The following PHKB variants were observed in gnomAD, a reference collection of about 807,000 sequenced individuals.
PHKB encodes the protein phosphorylase kinase regulatory subunit beta.
PHKB carries 122 observed loss-of-function variants against 152.1 expected under a neutral mutation model. The ratio of observed to expected loss-of-function variants is 0.80; its 90% CI spans 0.69 to 0.93. The LOEUF (loss-of-function observed/expected upper bound fraction) is 0.93. PHKB is among the 40% of genes least tolerant of loss of function. The pLI is 0.00. For synonymous variants in PHKB, 436 were observed against 464.9 expected (o/e 0.94, Z 0.80); for missense variants, 1,304 against 1,328.4 (o/e 0.98, Z 0.29).
intron 2 of PHKB, 51 bp downstream of exon 2, chr16:47,497,539 C>G: frequency 9.6e-7 from 1 of 1,037,884 alleles, no homozygotes; most frequent in South Asian, 1.3e-5. Flanking sequence ...GATTAGTATT[C>G]CCCTTGCCCT....
chr16:47,532,130 G>A (rs186189363), intron 6 of PHKB, among the ~76,000 whole-genome samples: 4 of 152,270 alleles, frequency 2.6e-5, no homozygotes, highest in East Asian at 3.9e-4. Flanking sequence ...TTTAAACCCC[G>A]ATCATATGCC....
intron 14 of PHKB, among the ~76,000 whole-genome samples, chr16:47,625,983 CT>C (rs1175982093): frequency 1.3e-5 from 2 of 152,172 alleles, no homozygotes; most frequent in Admixed American, 1.3e-4. Flanking sequence ...GTTGTCTTCT[CT>C]CTTATATGGT....
chr16:47,613,725 C>T (rs1416264340), intron 14 of PHKB, among the ~76,000 whole-genome samples: 1 of 152,172 alleles, frequency 6.6e-6, no homozygotes, highest in African/African-American at 2.4e-5. Flanking sequence ...TCCCATATCA[C>T]CATAAGGCTT....
chr16:47,494,900 AAATTGTGTAGAACATCCTTGTT>A (rs906549799), intron 1 of PHKB, among the ~76,000 whole-genome samples: 5 of 152,202 alleles, frequency 3.3e-5, no homozygotes, highest in East Asian at 1.9e-4. Flanking sequence ...TGTTTACCAT[AAATTGTGTAGAACATCCTTGTT>A]AATTGTGTAG....
In PHKB at chr16:47,610,908, GT is replaced by G; in HGVS notation, c.1450del (p.Ser484ProfsTer11). On this transcript the variant is annotated frameshift_variant, in exon 14 of 31. Transcript: ENST00000323584. LOFTEE classifies it high-confidence loss of function. ...LKDQRNVSMR[F>X]SNQGPLENDL... ...AGGATCAACGTAACGTGAGCATGAG[GT>G]TTTCCAATCAGGTAAAGAATTATTC... 1 of 1,577,332 alleles carries G rather than the reference GT, an allele frequency of 6.3e-7. No individual in the cohort carries two copies. Among genetic ancestry groups the G allele is most frequent in the Non-Finnish European group, 8.7e-7 (1 of 1,146,466 alleles).
At chr16:47,697,949 T>C (rs1178627613) in intron 29 of PHKB, among the ~76,000 whole-genome samples, 1 of 152,194 alleles carries the variant, frequency 6.6e-6, no homozygotes, top group Admixed American at 6.5e-5. Flanking sequence ...GAGAAACTAC[T>C]GTGGCATCAC....
chr16:47,490,731 G>A (rs918262479), intron 1 of PHKB, among the ~76,000 whole-genome samples: 1 of 152,156 alleles, frequency 6.6e-6, no homozygotes, highest in Non-Finnish European at 1.5e-5. Flanking sequence ...TTTTAATGAA[G>A]CAAAAACCTT....
At chr16:47,635,100 A>G (rs1972894942) in intron 14 of PHKB, among the ~76,000 whole-genome samples, 1 of 152,082 alleles carries the variant, frequency 6.6e-6, no homozygotes, top group Non-Finnish European at 1.5e-5. Flanking sequence ...GGAGAAGGAG[A>G]GAAGTGGTGT....
intron 7 of PHKB, chr16:47,566,741 T>G: frequency 1.3e-6 from 1 of 759,666 alleles, no homozygotes; most frequent in Non-Finnish European, 2.4e-6. Flanking sequence ...TCCAAGTTGT[T>G]GAAATATCTC....
At chr16:47,668,116 C>G (rs1011798590) in intron 25 of PHKB, among the ~76,000 whole-genome samples, 2 of 152,208 alleles carry the variant, frequency 1.3e-5, no homozygotes, top group African/African-American at 4.8e-5. Context: ...AAATGCCACC[C>G]TAAGCACTGA....
chr16:47,688,175 A>C (rs899708632), intron 26 of PHKB, among the ~76,000 whole-genome samples: 3 of 152,214 alleles, frequency 2.0e-5, no homozygotes, highest in Non-Finnish European at 4.4e-5. Context: ...CTCTTTGTGC[A>C]GTGTTCACTG....
chr16:47,651,385 C>T (rs1973235413), intron 20 of PHKB, among the ~76,000 whole-genome samples: 1 of 152,182 alleles, frequency 6.6e-6, no homozygotes, highest in South Asian at 2.1e-4. Flanking sequence ...CAGTTCTCTC[C>T]TACTAAACAC....
rs534729332 is a variant in PHKB, at chr16:47,470,683, C to T, written c.76+9257C>T. Among the ~76,000 whole-genome samples, 640 of 152,324 alleles carry T rather than the reference C, an allele frequency of 4.2e-3. 6 individuals carry two copies. The highest frequency in any genetic ancestry group is 0.015 in the African/African-American group (610 of 41,566). The stretch of plus-strand genomic sequence containing the variant: ...CCAAACTCTGGCAGACCCTATTACC[C>T]AGCCACTGCTGCCTTCCTTCTCTTC... On this transcript the variant is annotated intron_variant, in intron 1 of 30. Transcript: ENST00000323584.
intron 16 of PHKB, among the ~76,000 whole-genome samples, chr16:47,644,570 A>C (rs373025788): frequency 1.2e-4 from 18 of 152,362 alleles, no homozygotes; most frequent in African/African-American, 4.3e-4. Context: ...TCCAAATCAC[A>C]ATCAGTAGAT....
intron 9 of PHKB, 91 bp from the exon 10 acceptor site, chr16:47,588,814 C>T (rs969695750): frequency 1.4e-5 from 15 of 1,102,560 alleles, no homozygotes; most frequent in Middle Eastern, 2.1e-4. Flanking sequence ...ACTGCATAAC[C>T]TCACTGGCTT....
At chr16:47,463,896 T>C (rs1177134487) in intron 1 of PHKB, 1 of 1,612,172 alleles carries the variant, frequency 6.2e-7, no homozygotes. Context: ...AAAATTGCTA[T>C]AGCTTAGCCT....
At chr16:47,621,173 G>C (rs915791196) in intron 14 of PHKB, among the ~76,000 whole-genome samples, 1 of 152,134 alleles carries the variant, frequency 6.6e-6, no homozygotes, top group African/African-American at 2.4e-5. Flanking sequence ...TCCCCTTCCA[G>C]CGCTTCTGTT....
At chr16:47,525,956 G>T (rs140969087) in intron 6 of PHKB, among the ~76,000 whole-genome samples, 2 of 152,162 alleles carry the variant, frequency 1.3e-5, no homozygotes, top group Admixed American at 6.5e-5. Flanking sequence ...TCCTGTATAC[G>T]GGTTTTCTCA....
At chr16:47,585,180 G>A (rs1427838919) in intron 8 of PHKB, among the ~76,000 whole-genome samples, 2 of 152,180 alleles carry the variant, frequency 1.3e-5, no homozygotes, top group East Asian at 3.8e-4. Flanking sequence ...TCTTTAGGTG[G>A]AGTCAGGATA....
Sources: allele counts gnomAD v4.1 joint callset (sites outside exome capture counted in the v4.1 genomes callset), GRCh38; gene constraint gnomAD v4.1.1; transcripts MANE v1.5; gene names NCBI Gene and HGNC (gene_info 2026-07-23, HGNC 2026-07-21).